Variants in KANK1 observed in about 807,000 individuals in gnomAD.
The protein encoded by KANK1 is KN motif and ankyrin repeat domains 1, also known as KN motif and ankyrin repeat domain-containing protein 1.
KANK1 carries 109 observed loss-of-function variants against 106.2 expected under a neutral mutation model. The ratio of observed to expected loss-of-function variants is 1.03; its 90% CI spans 0.88 to 1.20. The LOEUF is 1.20. Among genes scored for constraint, KANK1 ranks in the 50% most tolerant of loss-of-function variants. The probability of loss-of-function intolerance (pLI) is 0.00; values close to 1 mark genes in which losing one functional copy is unlikely to be tolerated. For synonymous variants in KANK1, 873 were observed against 652.2 expected, an observed-to-expected ratio of 1.34 and a Z score of -5.16; for missense variants, 2,399 against 1,710.7, an observed-to-expected ratio of 1.40 and a Z score of -7.10.
intron 3 of KANK1, among the ~76,000 whole-genome samples, chr9:728,680 T>G (rs1831397621): frequency 6.6e-6 from 1 of 152,180 alleles, no homozygotes; most frequent in Non-Finnish European, 1.5e-5. Context: ...AAAGTGACGT[T>G]TACCATCTAT....
intron 2 of KANK1, chr9:693,558 G>T: frequency 1.0e-6 from 1 of 985,442 alleles, no homozygotes; most frequent in Non-Finnish European, 1.2e-6. Context: ...AGTTTTGTTT[G>T]TTGGTAATTT....
At chr9:563,971 A>G (rs1817153965) in intron 1 of KANK1, among the ~76,000 whole-genome samples, 1 of 152,090 alleles carries the variant, frequency 6.6e-6, no homozygotes, top group Non-Finnish European at 1.5e-5. Context: ...GTGAACCTCT[A>G]GAAGACAGGA....
intron 1 of KANK1, among the ~76,000 whole-genome samples, chr9:589,563 G>T (rs1824326237): frequency 6.6e-6 from 1 of 152,032 alleles, no homozygotes; most frequent in South Asian, 2.1e-4. Context: ...CAGGGGGCCA[G>T]GACTTCCGTG....
intron 2 of KANK1, among the ~76,000 whole-genome samples, chr9:695,090 C>T (rs1003743154): frequency 3.9e-5 from 6 of 152,102 alleles, no homozygotes; most frequent in Non-Finnish European, 5.9e-5. Flanking sequence ...GCCCATGGCT[C>T]GTGCATGAAC....
At chr9:511,448 G>C in intron 1 of KANK1, among the ~76,000 whole-genome samples, 1 of 152,054 alleles carries the variant, frequency 6.6e-6, no homozygotes, top group African/African-American at 2.4e-5. Flanking sequence ...TGTGACCTTT[G>C]GCACAGTTAC....
chr9:647,932 G>C lies in KANK1; in HGVS notation c.-83-28958G>C, dbSNP rs952578433. Among the ~76,000 whole-genome samples the C allele has an allele frequency of 4.0e-5, 6 of 149,842 alleles. 1 individual carries two copies. The highest frequency in any genetic ancestry group is 1.5e-4 in the African/African-American group (6 of 39,514). On this transcript the variant is annotated intron_variant, in intron 1 of 11. Coordinates refer to ENST00000382297, the MANE Select transcript of KANK1 (RefSeq NM_015158.5). ...TTGACCCAGTACATTGCAACCCTCT[G>C]CTCTCATGTGCACCTCACACACAGC...
intron 3 of KANK1, among the ~76,000 whole-genome samples, chr9:481,589 A>G (rs918267616): frequency 1.3e-5 from 2 of 152,254 alleles, no homozygotes; most frequent in African/African-American, 2.4e-5. Context: ...ATACAAAGGC[A>G]GCCAACAACG....
chr9:642,272 G>A lies in KANK1; in HGVS notation c.-83-34618G>A, dbSNP rs376652079. The stretch of plus-strand genomic sequence containing the variant: ...AGAATAAATGAGTCTGCAGAAAACT[G>A]CGTGGTTAAGTTACCCCATTTGTGT... On this transcript the variant is annotated intron_variant, in intron 1 of 11. Coordinates refer to ENST00000382297, the MANE Select transcript of KANK1 (RefSeq NM_015158.5). 6.9e-5 allele frequency among the ~76,000 whole-genome samples: 10 copies of A among 145,960 alleles called. 1 individual carries two copies. In the East Asian group the frequency reaches 1.9e-3, roughly 28 times the overall value.
At chr9:630,199 G>C (rs1835331520) in intron 1 of KANK1, among the ~76,000 whole-genome samples, 1 of 151,996 alleles carries the variant, frequency 6.6e-6, no homozygotes, top group Non-Finnish European at 1.5e-5. Flanking sequence ...AGTGAGCTGA[G>C]GTTGCACCAC....
At chr9:606,124 T>C (rs1255624115) in intron 1 of KANK1, among the ~76,000 whole-genome samples, 2 of 142,836 alleles carry the variant, frequency 1.4e-5, no homozygotes, top group Admixed American at 7.2e-5. Context: ...GTATATAGCA[T>C]TGAATTACAC....
intron 3 of KANK1, among the ~76,000 whole-genome samples, chr9:488,460 G>T (rs1030312423): frequency 5.3e-5 from 8 of 152,310 alleles, no homozygotes; most frequent in African/African-American, 1.7e-4. Flanking sequence ...TTCATCCTCA[G>T]ATTGTCTTAT....
At chr9:576,017 C>T (rs989873835) in intron 1 of KANK1, among the ~76,000 whole-genome samples, 1 of 152,186 alleles carries the variant, frequency 6.6e-6, no homozygotes. Context: ...AGTGCAACTG[C>T]ATCTCAAAAC....
At chr9:729,641 T>C (rs1249326650) in intron 3 of KANK1, among the ~76,000 whole-genome samples, 1 of 152,246 alleles carries the variant, frequency 6.6e-6, no homozygotes, top group Non-Finnish European at 1.5e-5. Context: ...CAGTGTGGAC[T>C]ACATTTCCTG....
At chr9:510,501 C>A (rs940067621) in intron 1 of KANK1, among the ~76,000 whole-genome samples, 108 of 152,140 alleles carry the variant, frequency 7.1e-4, no homozygotes, top group African/African-American at 2.6e-3. Context: ...GGAGCTGCTT[C>A]CCCCAAAAGT....
chr9:728,079 T>G (rs1831216854), intron 3 of KANK1, among the ~76,000 whole-genome samples: 1 of 152,194 alleles, frequency 6.6e-6, no homozygotes, highest in Non-Finnish European at 1.5e-5. Flanking sequence ...ACCAATAAGA[T>G]AACAAATTCC....
At chr9:552,981 C>CA (rs1253170520) in intron 1 of KANK1, among the ~76,000 whole-genome samples, 1 of 151,964 alleles carries the variant, frequency 6.6e-6, no homozygotes, top group Non-Finnish European at 1.5e-5. Context: ...CCCTTCTCTA[C>CA]AAAAAAATTA....
intron 7 of KANK1, among the ~76,000 whole-genome samples, chr9:736,749 A>T (rs1833906744): frequency 6.6e-6 from 1 of 152,128 alleles, no homozygotes; most frequent in Admixed American, 6.5e-5. Context: ...ACATATTGAA[A>T]TTCTTGGATT....
At chr9:694,419 G>A (rs1820724494) in intron 2 of KANK1, among the ~76,000 whole-genome samples, 1 of 152,188 alleles carries the variant, frequency 6.6e-6, no homozygotes. Context: ...TCTCTTCTGT[G>A]CATGCATGAT....
intron 1 of KANK1, chr9:660,072 T>G (rs1242663758): frequency 7.1e-6 from 3 of 420,594 alleles, no homozygotes; most frequent in Non-Finnish European, 1.4e-5. Context: ...CTGAGGATTA[T>G]ATCCATATAA....
Sources: gnomAD v4.1 joint callset for allele counts (sites outside exome capture counted in the v4.1 genomes callset) on GRCh38, gnomAD v4.1.1 for gene constraint, MANE v1.5 for transcripts, NCBI Gene and HGNC (gene_info 2026-07-23, HGNC 2026-07-21) for gene names.